The following FAM20A variants were observed in gnomAD, a reference collection of about 807,000 sequenced individuals.
FAM20A encodes the protein pseudokinase FAM20A.
A neutral mutation model predicts 52.0 loss-of-function variants in FAM20A; 42 were observed. That is an observed-to-expected ratio of 0.81 (90% confidence interval 0.63 to 1.04). The LOEUF is 1.04. Ranked by LOEUF, FAM20A falls within the 50% of genes least tolerant of loss-of-function variation. FAM20A has a pLI of 0.00. For synonymous variants in FAM20A, 304 were observed against 298.9 expected (o/e 1.02, Z -0.18); for missense variants, 742 against 712.7 (o/e 1.04, Z -0.47).
chr17:68,585,254 T>C (rs150689467), intron 1 of FAM20A, among the ~76,000 whole-genome samples: 115 of 152,292 alleles, frequency 7.6e-4, no homozygotes, highest in African/African-American at 2.7e-3. Flanking sequence ...GAGCCTTTTG[T>C]TCCTACCTCT....
At chr17:68,543,414 C>A (rs904848528) in intron 5 of FAM20A, among the ~76,000 whole-genome samples, 6 of 152,186 alleles carry the variant, frequency 3.9e-5, no homozygotes, top group African/African-American at 1.4e-4. Context: ...GTAAATTGTT[C>A]TTTTCGTTAC....
intron 3 of FAM20A, among the ~76,000 whole-genome samples, chr17:68,552,371 A>G (rs1180921392): frequency 1.3e-5 from 2 of 152,208 alleles, no homozygotes; most frequent in African/African-American, 4.8e-5. Flanking sequence ...TTTCAACTAC[A>G]TCTTTGTAGA....
chr17:68,568,877 G>A (rs1427849801), intron 1 of FAM20A, among the ~76,000 whole-genome samples: 2 of 151,850 alleles, frequency 1.3e-5, no homozygotes, highest in Non-Finnish European at 2.9e-5. Flanking sequence ...AAAGGTTCCA[G>A]GGATTTGACG....
intron 1 of FAM20A, among the ~76,000 whole-genome samples, chr17:68,568,360 C>T (rs1232188084): frequency 7.3e-5 from 11 of 151,474 alleles, no homozygotes; most frequent in East Asian, 3.9e-4. Context: ...CCCAGCTACT[C>T]GGGAGGCTGA....
chr17:68,576,805 C>T (rs2087782565), intron 1 of FAM20A, among the ~76,000 whole-genome samples: 1 of 152,184 alleles, frequency 6.6e-6, no homozygotes, highest in Non-Finnish European at 1.5e-5. Context: ...TGATTTTGCT[C>T]AGCCCTGTTC....
intron 4 of FAM20A, 60 bp downstream of exon 4, chr17:68,551,813 G>A (rs1024988055): frequency 3.9e-6 from 5 of 1,269,888 alleles, no homozygotes; most frequent in Non-Finnish European, 4.5e-6. Flanking sequence ...TTAGTTTTTG[G>A]TCCAAATCTT....
At chr17:68,563,786 A>G (rs989208816) in intron 1 of FAM20A, among the ~76,000 whole-genome samples, 12 of 152,120 alleles carry the variant, frequency 7.9e-5, no homozygotes, top group Non-Finnish European at 1.2e-4. Context: ...GTCCACTTCA[A>G]TATCAGTCTT....
Position 68,600,453 on chromosome 17 carries a change from A to T in FAM20A, c.214T>A (p.Ser72Thr). The change falls in exon 1 of 11, where the codon TCC (serine) becomes ACC (threonine). Residue 72 changes from serine (S) to threonine (T), a missense_variant. Coordinates refer to ENST00000592554, the MANE Select transcript of FAM20A (RefSeq NM_017565.4). The surrounding 1 kb of genome is among the most constrained non-coding windows in gnomAD (Gnocchi z 6.2). ...SDPGTIVHNF[S>T]RTEPRTEPAG... ...GGTTCAGTCCGGGGCTCGGTTCGGGAAAAGTTGTGCACGATCGTGCCGGGG... is the reference window on the plus strand; with the variant it reads ...GGTTCAGTCCGGGGCTCGGTTCGGGTAAAGTTGTGCACGATCGTGCCGGGG... 6.2e-7 allele frequency: 1 copy of T among 1,610,560 alleles called. No homozygotes were observed. Among genetic ancestry groups the T allele is most frequent in the Non-Finnish European group, 8.5e-7 (1 of 1,178,734 alleles).
chr17:68,579,693 C>A (rs1232317637), intron 1 of FAM20A, among the ~76,000 whole-genome samples: 2 of 152,204 alleles, frequency 1.3e-5, no homozygotes, highest in Non-Finnish European at 1.5e-5. Context: ...AGGGATTCTG[C>A]TCCACACACT....
At chr17:68,559,066 CTT>C (rs949861649) in intron 1 of FAM20A, among the ~76,000 whole-genome samples, 5 of 152,190 alleles carry the variant, frequency 3.3e-5, no homozygotes, top group Admixed American at 2.6e-4. Context: ...CCAGATATTT[CTT>C]TATAGCAACG....
chr17:68,600,722 G>C lies in FAM20A; in HGVS notation c.-56C>G. The C allele has an allele frequency of 2.0e-6, 3 of 1,513,464 alleles. No individual in the cohort carries two copies. Among genetic ancestry groups the C allele is most frequent in the Non-Finnish European group, 2.6e-6 (3 of 1,136,534 alleles). 93.8% of individuals were successfully genotyped at this position (1,513,464 alleles called of 1,614,324 possible). A position where few individuals can be genotyped will look rare whatever the true frequency, so the allele number is the denominator to read the frequency against. ...AGGCCGGCTGTCTCCGGGGTCCCGG[G>C]AGGGGTCGCGGGGTGCGGGCAGAAG... On this transcript the variant is annotated 5_prime_UTR_variant, in exon 1 of 11. Coordinates refer to ENST00000592554, the MANE Select transcript of FAM20A (RefSeq NM_017565.4). This position sits in a 1 kb window ranked among gnomAD's most constrained non-coding sequence, Gnocchi z 6.2.
intron 1 of FAM20A, among the ~76,000 whole-genome samples, chr17:68,581,435 CTTT>C (rs1490739219): frequency 1.2e-5 from 1 of 81,786 alleles, no homozygotes; most frequent in African/African-American, 5.1e-5. Flanking sequence ...TTCTTTCTTT[CTTT>C]TCTTTTTTTC....
At chr17:68,573,456 CTTCTTTCTTTCT>C (rs67622633) in intron 1 of FAM20A, among the ~76,000 whole-genome samples, 2 of 109,382 alleles carry the variant, frequency 1.8e-5, no homozygotes, top group African/African-American at 6.6e-5. Flanking sequence ...TTCTTTCTTT[CTTCTTTCTTTCT>C]TTCTTTCTCT....
chr17:68,568,962 ATCTT>A (rs2087462801), intron 1 of FAM20A, among the ~76,000 whole-genome samples: 1 of 151,838 alleles, frequency 6.6e-6, no homozygotes, highest in Non-Finnish European at 1.5e-5. Flanking sequence ...GCACTGCCCG[ATCTT>A]TCTAAGGGTG....
At chr17:68,575,461 T>A (rs2143821293) in intron 1 of FAM20A, among the ~76,000 whole-genome samples, 2 of 121,482 alleles carry the variant, frequency 1.6e-5, no homozygotes, top group Admixed American at 2.2e-4. Flanking sequence ...TTTTATATAT[T>A]ATATATAATA....
intron 1 of FAM20A, among the ~76,000 whole-genome samples, chr17:68,577,802 T>C (rs1322709590): frequency 6.6e-6 from 1 of 152,154 alleles, no homozygotes; most frequent in Non-Finnish European, 1.5e-5. Flanking sequence ...TGTTACTTAA[T>C]TGTTTAAAAA....
In FAM20A at chr17:68,600,260, C is replaced by A; in HGVS notation, c.404+3G>T. ...TCTCCCGCGTCCCGGGCGGGGTCCT[C>A]ACCTGTTCCAGCGGGCCACCTTCCT... On this transcript the variant is annotated splice_donor_region_variant and intron_variant, in intron 1 of 10. Transcript: ENST00000592554. The surrounding 1 kb of genome is among the most constrained non-coding windows in gnomAD (Gnocchi z 6.2). 1 of 1,560,874 alleles carries A rather than the reference C, an allele frequency of 6.4e-7. No individual in the cohort carries two copies. The highest frequency in any genetic ancestry group is 8.7e-7 in the Non-Finnish European group (1 of 1,153,214).
At chr17:68,549,171 C>T (rs895073212) in intron 4 of FAM20A, among the ~76,000 whole-genome samples, 4 of 152,140 alleles carry the variant, frequency 2.6e-5, no homozygotes, top group Admixed American at 6.5e-5. Context: ...GGAGCTCATC[C>T]ATTGCATATT....
chr17:68,543,505 G>A (rs1198765406), intron 5 of FAM20A, 124 bp downstream of exon 5: 3 of 836,220 alleles, frequency 3.6e-6, no homozygotes, highest in South Asian at 2.9e-5. Flanking sequence ...GATGAGGCAC[G>A]AAGAAGATAG....
Sources: gnomAD v4.1 joint callset for allele counts (sites outside exome capture counted in the v4.1 genomes callset) on GRCh38, gnomAD v4.1.1 for gene constraint, Gnocchi (gnomAD v3.1) non-coding constraint, MANE v1.5 for transcripts, NCBI Gene and HGNC (gene_info 2026-07-23, HGNC 2026-07-21) for gene names.